ASIC2: variants seen among roughly 807,000 people sequenced by gnomAD.
The protein encoded by ASIC2 is acid sensing ion channel subunit 2.
ASIC2 carries 25 observed loss-of-function variants against 57.3 expected under a neutral mutation model. That is an observed-to-expected ratio of 0.44 (90% confidence interval 0.32 to 0.61). The LOEUF (loss-of-function observed/expected upper bound fraction) is 0.61. ASIC2 is among the 20% of genes least tolerant of loss of function. ASIC2 has a pLI of 0.06. For missense variants in ASIC2, 641 were observed against 738.1 expected (o/e 0.87, Z 1.52); for synonymous variants, 319 against 307.5 (o/e 1.04, Z -0.39).
At chr17:33,901,439 T>C (rs1379957422) in intron 1 of ASIC2, among the ~76,000 whole-genome samples, 1 of 152,124 alleles carries the variant, frequency 6.6e-6, no homozygotes, top group East Asian at 1.9e-4. Context: ...AATTCTCCCA[T>C]ATGGGACTGA....
intron 1 of ASIC2, among the ~76,000 whole-genome samples, chr17:33,521,266 G>A (rs944978683): frequency 3.3e-5 from 5 of 152,160 alleles, no homozygotes; most frequent in African/African-American, 1.2e-4. Flanking sequence ...GGTATCTTTT[G>A]AAGGATGCAA....
chr17:33,091,467 C>G (rs1041985997), intron 2 of ASIC2, among the ~76,000 whole-genome samples: 1 of 152,138 alleles, frequency 6.6e-6, no homozygotes, highest in African/African-American at 2.4e-5. Flanking sequence ...GCCTGCTATA[C>G]AACCAAGCTT....
At chr17:34,119,464 T>C (rs1380585625) in intron 1 of ASIC2, among the ~76,000 whole-genome samples, 1 of 152,216 alleles carries the variant, frequency 6.6e-6, no homozygotes, top group East Asian at 1.9e-4. Flanking sequence ...CCCAGGTTAA[T>C]GCTTAGAGGA....
At position 33,330,765 on chromosome 17, in the gene ASIC2, T is replaced by A. The variant is rs185906958; in HGVS notation, c.556-218698A>T. Among the ~76,000 whole-genome samples the A allele has an allele frequency of 3.9e-3, 591 of 152,282 alleles. 3 individuals are homozygous for A. The highest frequency in any genetic ancestry group is 5.1e-3 in the Non-Finnish European group (345 of 68,010). ...TCTTTGTGGATGGGTTTATTCTATTTCATAAGGATTGAGTCATAAGAATAG... is the reference window on the plus strand; with the variant it reads ...TCTTTGTGGATGGGTTTATTCTATTACATAAGGATTGAGTCATAAGAATAG... On this transcript the variant is annotated intron_variant, in intron 1 of 9. Transcript: ENST00000359872.
intron 1 of ASIC2, among the ~76,000 whole-genome samples, chr17:33,219,819 G>A (rs781319778): frequency 3.0e-4 from 46 of 152,294 alleles, no homozygotes; most frequent in Admixed American, 1.3e-3. Flanking sequence ...GCTCTGTTGA[G>A]CCTAGTCAAG....
At chr17:33,707,904 A>G (rs1272124317) in intron 1 of ASIC2, among the ~76,000 whole-genome samples, 1 of 152,218 alleles carries the variant, frequency 6.6e-6, no homozygotes, top group Non-Finnish European at 1.5e-5. Context: ...CTGTTGGGTC[A>G]GCTTGACTAC....
At chr17:33,712,635 G>GTT (rs1567695931) in intron 1 of ASIC2, among the ~76,000 whole-genome samples, 5 of 123,318 alleles carry the variant, frequency 4.1e-5, no homozygotes, top group African/African-American at 1.6e-4. Context: ...TACTCATATG[G>GTT]CTTTTTTTTT....
chr17:33,395,144 C>A (rs1203029002), intron 1 of ASIC2, among the ~76,000 whole-genome samples: 1 of 151,596 alleles, frequency 6.6e-6, no homozygotes, highest in African/African-American at 2.4e-5. Flanking sequence ...CCACACATTC[C>A]CCCCCACCCA....
intron 1 of ASIC2, among the ~76,000 whole-genome samples, chr17:33,544,727 T>C (rs1042012292): frequency 2.0e-5 from 3 of 152,162 alleles, no homozygotes; most frequent in East Asian, 3.8e-4. Flanking sequence ...AAATTTTGCA[T>C]ACTTATTAAA....
At chr17:33,640,178 G>C (rs148983639) in intron 1 of ASIC2, among the ~76,000 whole-genome samples, 1 of 152,194 alleles carries the variant, frequency 6.6e-6, no homozygotes, top group East Asian at 1.9e-4. Context: ...AAAGAGGAAA[G>C]GCTGAAGTGA....
chr17:33,495,945 C>G (rs1164081002), intron 1 of ASIC2, among the ~76,000 whole-genome samples: 1 of 152,142 alleles, frequency 6.6e-6, no homozygotes, highest in Non-Finnish European at 1.5e-5. Flanking sequence ...GACAAAGGCC[C>G]TAGACAGGTG....
chr17:33,407,089 C>A (rs565093575), intron 1 of ASIC2, among the ~76,000 whole-genome samples: 1 of 152,076 alleles, frequency 6.6e-6, no homozygotes. Flanking sequence ...ATTTTTTTCA[C>A]TTGTATAATG....
rs186459729 is a variant in ASIC2 at position 33,790,238 on chromosome 17, G to A, written c.555+365740C>T. Among the ~76,000 whole-genome samples the A allele has an allele frequency of 3.2e-4, 49 of 152,206 alleles. No individual in the cohort carries two copies. The East Asian group carries it at 6.0e-3, about 19-fold the overall frequency. Reference sequence around the variant, plus strand: ...GACACATAGCAGTATAATAAAAAATGGTTACATCTGTGCTTGATGCATCCC... The same window carrying A: ...GACACATAGCAGTATAATAAAAAATAGTTACATCTGTGCTTGATGCATCCC... On this transcript the variant is annotated intron_variant, in intron 1 of 9. Coordinates refer to the ASIC2 transcript ENST00000359872.
chr17:33,836,414 A>G (rs964234387), intron 1 of ASIC2, among the ~76,000 whole-genome samples: 1 of 151,296 alleles, frequency 6.6e-6, no homozygotes, highest in Non-Finnish European at 1.5e-5. Context: ...AATCTTGAGC[A>G]CAAGTGATCC....
intron 1 of ASIC2, among the ~76,000 whole-genome samples, chr17:33,356,924 G>C (rs1244640928): frequency 1.9e-5 from 1 of 52,912 alleles, no homozygotes; most frequent in Non-Finnish European, 4.0e-5. Context: ...CAACCTCTGG[G>C]AGGAAGGAAG....
intron 1 of ASIC2, chr17:34,051,622 A>G (rs1053592422): frequency 2.2e-4 from 33 of 152,086 alleles, no homozygotes; most frequent in Admixed American, 1.4e-3. Flanking sequence ...GATTTCCTCA[A>G]CCTCACACAA....
intron 1 of ASIC2, among the ~76,000 whole-genome samples, chr17:33,590,204 C>T (rs765556272): frequency 2.0e-5 from 3 of 152,204 alleles, no homozygotes; most frequent in Admixed American, 1.3e-4. Context: ...CACCAAGGAA[C>T]ATCCTGGGTC....
In ASIC2 at chr17:33,291,182, G is replaced by C; in HGVS notation, c.708+226C>G. 3 of 908,832 alleles carry C rather than the reference G, an allele frequency of 3.3e-6. No homozygotes were observed. The South Asian group carries it at 7.2e-5, about 22-fold the overall frequency. The allele number at this position is 908,832 out of a possible 1,614,324, so 56.3% of individuals were successfully genotyped here. ...GACACTGGAAGGAGGGGCTGGGACA[G>C]GGGAGCTCCCACTGGTGGGAGGCGA... On this transcript the variant is annotated intron_variant, in intron 1 of 9. Transcript: ENST00000225823.
intron 1 of ASIC2, among the ~76,000 whole-genome samples, chr17:33,821,019 G>T (rs933360179): frequency 6.6e-6 from 1 of 152,148 alleles, no homozygotes; most frequent in Non-Finnish European, 1.5e-5. Context: ...GTTCTGCATT[G>T]GGCTTTAGAG....
Sources: gnomAD v4.1 joint callset for allele counts (sites outside exome capture counted in the v4.1 genomes callset) on GRCh38, gnomAD v4.1.1 for gene constraint, MANE v1.5 for transcripts, NCBI Gene and HGNC (gene_info 2026-07-23, HGNC 2026-07-21) for gene names.